Variants in CFAP58 observed in about 807,000 individuals in gnomAD.
The protein encoded by CFAP58 is cilia- and flagella-associated protein 58.
Under a neutral mutation model 119.5 loss-of-function variants are expected in CFAP58, and 88 were observed. The ratio of observed to expected loss-of-function variants is 0.74; its 90% CI spans 0.62 to 0.88. CFAP58 has a LOEUF of 0.88. Ranked by LOEUF, CFAP58 falls within the 40% of genes least tolerant of loss-of-function variation. The pLI, the probability that CFAP58 is intolerant of heterozygous loss-of-function variation, is 0.00. For missense variants in CFAP58, 990 were observed against 1,021.2 expected (o/e 0.97, Z 0.42); for synonymous variants, 365 against 366.3 (o/e 1.00, Z 0.04).
At chr10:104,339,860 A>G in the CFAP58 span, among the ~76,000 whole-genome samples, 1 of 152,036 alleles carries the variant, frequency 6.6e-6, no homozygotes, top group African/African-American at 2.4e-5. Flanking sequence ...AATGTCTAGA[A>G]GTTGGTCCGG....
In CFAP58 at chr10:104,357,864, T is replaced by C. The variant is rs868381921; in HGVS notation, c.10-477T>C. On this transcript the variant is annotated intron_variant, in intron 1 of 17. Transcript: ENST00000369704. ...ACATATGTACACATATATACACATA[T>C]ATACACATATATGTACACATATATA... Among the ~76,000 whole-genome samples, 110 of 128,666 alleles carry C rather than the reference T, an allele frequency of 8.5e-4. 7 individuals carry two copies. The highest frequency in any genetic ancestry group is 1.1e-3 in the Admixed American group (15 of 13,406). 84.4% of individuals were successfully genotyped at this position (128,666 alleles called of 152,430 possible). A position where few individuals can be genotyped will look rare whatever the true frequency, so the allele number is the denominator to read the frequency against.
intron 11 of CFAP58, 69 bp from the exon 12 acceptor site, chr10:104,399,291 C>A: frequency 6.5e-7 from 1 of 1,545,590 alleles, no homozygotes. Flanking sequence ...ACATCTGAAT[C>A]CGGGCCCTGT....
intron 7 of CFAP58, among the ~76,000 whole-genome samples, chr10:104,373,066 C>G (rs762422256): frequency 2.0e-4 from 31 of 151,956 alleles, no homozygotes; most frequent in Non-Finnish European, 2.9e-5. Flanking sequence ...ATGTAGATAT[C>G]AATAGCTTTT....
At chr10:104,371,525 G>A (rs1441741657) in intron 7 of CFAP58, among the ~76,000 whole-genome samples, 5 of 152,090 alleles carry the variant, frequency 3.3e-5, no homozygotes, top group South Asian at 2.1e-4. Context: ...GTGATGAACC[G>A]CTGTCTTACC....
chr10:104,373,841 C>A (rs796211795), intron 7 of CFAP58, among the ~76,000 whole-genome samples: 3 of 152,132 alleles, frequency 2.0e-5, no homozygotes, highest in African/African-American at 7.2e-5. Context: ...CTTCAATAAT[C>A]AAATTGTATA....
intron 11 of CFAP58, among the ~76,000 whole-genome samples, chr10:104,398,469 A>G (rs1024117541): frequency 1.3e-5 from 2 of 152,254 alleles, no homozygotes; most frequent in East Asian, 1.9e-4. Context: ...TGCCTGGGAT[A>G]TGGTAGGTCA....
chr10:104,387,208 A>G (rs1171465586), intron 9 of CFAP58, among the ~76,000 whole-genome samples: 1 of 152,194 alleles, frequency 6.6e-6, no homozygotes, highest in Non-Finnish European at 1.5e-5. Context: ...GGGATACAAA[A>G]ACAAGCACTT....
At chr10:104,393,612 C>G (rs1433588473) in intron 11 of CFAP58, 137 bp downstream of exon 11, 2 of 724,860 alleles carry the variant, frequency 2.8e-6, no homozygotes, top group Non-Finnish European at 4.4e-6. Flanking sequence ...TTACCCAAAC[C>G]AAGCACACAA....
At chr10:104,404,503 G>C (rs1282813271) in intron 14 of CFAP58, among the ~76,000 whole-genome samples, 1 of 152,202 alleles carries the variant, frequency 6.6e-6, no homozygotes, top group Non-Finnish European at 1.5e-5. Context: ...TGCTAAAAGG[G>C]CCTTCGACTA....
chr10:104,413,711 A>G (rs2012497987), intron 15 of CFAP58, among the ~76,000 whole-genome samples: 1 of 136,796 alleles, frequency 7.3e-6, no homozygotes, highest in Non-Finnish European at 1.5e-5. Flanking sequence ...TCATTACATC[A>G]TCATCATCAT....
intron 9 of CFAP58, among the ~76,000 whole-genome samples, chr10:104,386,208 T>C (rs1420157904): frequency 6.6e-6 from 1 of 151,522 alleles, no homozygotes; most frequent in African/African-American, 2.4e-5. Flanking sequence ...TGAAACACCA[T>C]TTCTACTAAA....
At chr10:104,339,680 A>C in the CFAP58 span, among the ~76,000 whole-genome samples, 1 of 152,242 alleles carries the variant, frequency 6.6e-6, no homozygotes, top group Non-Finnish European at 1.5e-5. Context: ...AATGTTCTAA[A>C]AATAGACTCC....
intron 15 of CFAP58, among the ~76,000 whole-genome samples, chr10:104,431,330 G>T (rs1348711054): frequency 6.6e-6 from 1 of 152,136 alleles, no homozygotes; most frequent in Non-Finnish European, 1.5e-5. Flanking sequence ...CTACAGCACA[G>T]TATAATAAAG....
At chr10:104,420,746 AT>A (rs1387607017) in intron 15 of CFAP58, among the ~76,000 whole-genome samples, 1 of 142,404 alleles carries the variant, frequency 7.0e-6, no homozygotes, top group Non-Finnish European at 1.5e-5. Flanking sequence ...ATTTTTTTAT[AT>A]TTGATTTTTT....
intron 7 of CFAP58, among the ~76,000 whole-genome samples, chr10:104,376,152 A>G (rs2011657900): frequency 6.6e-6 from 1 of 152,180 alleles, no homozygotes; most frequent in South Asian, 2.1e-4. Flanking sequence ...TTGGGGTTAA[A>G]TATTTCGATT....
chr10:104,452,136 G>A (rs975705835), intron 17 of CFAP58, among the ~76,000 whole-genome samples: 2 of 151,984 alleles, frequency 1.3e-5, no homozygotes, highest in East Asian at 3.9e-4. Flanking sequence ...TACCTGCAAT[G>A]TATTTTAATT....
chr10:104,380,027 A>G lies in CFAP58; in HGVS notation c.1174-2A>G, dbSNP rs2011750811. 6.2e-7 allele frequency: 1 copy of G among 1,609,816 alleles called. No individual in the cohort carries two copies. The highest frequency in any genetic ancestry group is 8.5e-7 in the Non-Finnish European group (1 of 1,178,358). On this transcript the variant is annotated splice_acceptor_variant, in intron 8 of 17. Coordinates refer to ENST00000369704, the MANE Select transcript of CFAP58 (RefSeq NM_001008723.2). LOFTEE classifies it high-confidence loss of function. ...GTGACTGCTTTGTGCCCTTATTTTT[A>G]GAACATGCTTAAGGCGGTCAATGCG...
At chr10:104,427,541 G>T (rs946967732) in intron 15 of CFAP58, among the ~76,000 whole-genome samples, 1 of 152,118 alleles carries the variant, frequency 6.6e-6, no homozygotes, top group Non-Finnish European at 1.5e-5. Context: ...ATTTCGCAAA[G>T]CACTCCTACC....
In CFAP58 at chr10:104,427,707, C is replaced by T. The variant is rs372363157; in HGVS notation, c.2257-19991C>T. Among the ~76,000 whole-genome samples, 61 of 152,322 alleles carry T rather than the reference C, an allele frequency of 4.0e-4. 1 individual carries two copies. Among genetic ancestry groups the T allele is most frequent in the African/African-American group, 1.4e-3 (59 of 41,572 alleles). On this transcript the variant is annotated intron_variant, in intron 15 of 17. Transcript: ENST00000369704. Reference sequence around the variant, plus strand: ...ACCCATGCCTTGTCTGTGCTCTAAACCTCTCTTCATTTTTCAAAATTCTGT... The same window carrying T: ...ACCCATGCCTTGTCTGTGCTCTAAATCTCTCTTCATTTTTCAAAATTCTGT...
Sources: allele counts gnomAD v4.1 joint callset (sites outside exome capture counted in the v4.1 genomes callset), GRCh38; gene constraint gnomAD v4.1.1; transcripts MANE v1.5; gene names NCBI Gene and HGNC (gene_info 2026-07-23, HGNC 2026-07-21).